ADAMTS17: variants seen among roughly 807,000 people sequenced by gnomAD.
ADAMTS17 encodes A disintegrin and metalloproteinase with thrombospondin motifs 17.
Under a neutral mutation model 141.5 loss-of-function variants are expected in ADAMTS17, and 113 were observed. That is an observed-to-expected ratio of 0.80 (90% CI 0.69 to 0.93). The LOEUF is 0.93. ADAMTS17 is among the 40% of genes least tolerant of loss of function. ADAMTS17 has a pLI of 0.00. For synonymous variants in ADAMTS17, 768 were observed against 630.6 expected (o/e 1.22, Z -3.27); for missense variants, 1,659 against 1,517.9 (o/e 1.09, Z -1.54).
intron 3 of ADAMTS17, among the ~76,000 whole-genome samples, chr15:100,311,640 C>T (rs2045409063): frequency 6.6e-6 from 1 of 152,104 alleles, no homozygotes; most frequent in Admixed American, 6.6e-5. Context: ...GGTGGAGCTG[C>T]ATGTGGGAAA....
At chr15:100,045,884 A>C (rs893930771) in intron 18 of ADAMTS17, among the ~76,000 whole-genome samples, 1 of 151,978 alleles carries the variant, frequency 6.6e-6, no homozygotes, top group South Asian at 2.1e-4. Flanking sequence ...AGATTTAATT[A>C]ATTAATTAAT....
intron 3 of ADAMTS17, among the ~76,000 whole-genome samples, chr15:100,322,554 A>G (rs147049474): frequency 7.3e-4 from 111 of 152,334 alleles, no homozygotes; most frequent in African/African-American, 2.5e-3. Flanking sequence ...ACACATGAAT[A>G]ACTTGGAAAA....
intron 7 of ADAMTS17, among the ~76,000 whole-genome samples, chr15:100,216,952 G>C (rs1481369374): frequency 6.6e-6 from 1 of 152,146 alleles, no homozygotes; most frequent in Non-Finnish European, 1.5e-5. Context: ...TCCTGCTCTA[G>C]ACTTCCCATG....
At position 100,262,392 on chromosome 15, in the gene ADAMTS17, T is replaced by C; in HGVS notation, c.833A>G (p.Asn278Ser). The change falls in exon 5 of 22, where the codon AAC (asparagine) becomes AGC (serine). Residue 278 changes from asparagine to serine, a missense_variant. By Grantham distance (46) the Asn-to-Ser change is conservative. Transcript: ENST00000268070. ...FQHQSLGIKI[N>S]IQVTKLVLLR... ...CAGGACAAGCTTGGTCACTTGAATG[T>C]TAATTTTAATCCCCAGGCTCTGGTG... 1 of 1,614,016 alleles carries C rather than the reference T, an allele frequency of 6.2e-7. No homozygotes were observed. Among genetic ancestry groups the C allele is most frequent in the Non-Finnish European group, 8.5e-7 (1 of 1,179,954 alleles).
chr15:100,230,866 C>G (rs961192133), intron 7 of ADAMTS17, among the ~76,000 whole-genome samples: 2 of 152,106 alleles, frequency 1.3e-5, no homozygotes, highest in African/African-American at 4.8e-5. Context: ...TTGGGACTGC[C>G]TGGGGACCCA....
chr15:100,057,830 G>A (rs2032719683), intron 15 of ADAMTS17, among the ~76,000 whole-genome samples: 1 of 152,130 alleles, frequency 6.6e-6, no homozygotes, highest in African/African-American at 2.4e-5. Flanking sequence ...ACAGGCAGGA[G>A]TGCCAGTGCG....
chr15:100,270,646 G>A (rs1032672804), intron 4 of ADAMTS17, among the ~76,000 whole-genome samples: 1 of 151,402 alleles, frequency 6.6e-6, no homozygotes, highest in East Asian at 2.0e-4. Context: ...TGCGTACCAG[G>A]CACTGACAAA....
chr15:100,087,525 G>A (rs557467212), intron 15 of ADAMTS17, among the ~76,000 whole-genome samples: 2 of 152,200 alleles, frequency 1.3e-5, no homozygotes, highest in East Asian at 3.9e-4. Context: ...GCCAGGCAGA[G>A]ACACAACCAA....
chr15:100,179,092 T>A (rs1326753804), intron 8 of ADAMTS17, among the ~76,000 whole-genome samples: 1 of 152,188 alleles, frequency 6.6e-6, no homozygotes. Context: ...AATCCAAGTA[T>A]ACTTTTTTAG....
chr15:100,162,195 G>C (rs1217315059), intron 8 of ADAMTS17, among the ~76,000 whole-genome samples: 2 of 151,962 alleles, frequency 1.3e-5, no homozygotes, highest in Non-Finnish European at 2.9e-5. Context: ...GGACTGAAGT[G>C]ACAAGCAAGT....
chr15:100,270,935 G>A (rs1207154639), intron 4 of ADAMTS17, among the ~76,000 whole-genome samples: 1 of 151,110 alleles, frequency 6.6e-6, no homozygotes, highest in Non-Finnish European at 1.5e-5. Context: ...CAGCCATCTG[G>A]CCAGCGCTAT....
chr15:100,149,625 G>T (rs1677274571), intron 10 of ADAMTS17, among the ~76,000 whole-genome samples: 1 of 152,016 alleles, frequency 6.6e-6, no homozygotes, highest in African/African-American at 2.4e-5. Context: ...TTCTCTCTTT[G>T]AAATAGCCAA....
intron 7 of ADAMTS17, among the ~76,000 whole-genome samples, chr15:100,199,637 A>G (rs1198535758): frequency 1.3e-5 from 2 of 152,218 alleles, no homozygotes; most frequent in African/African-American, 4.8e-5. Context: ...TCAGGCATCT[A>G]ATACGCGTCG....
chr15:100,264,738 C>T (rs1472236002), intron 4 of ADAMTS17, among the ~76,000 whole-genome samples: 1 of 152,076 alleles, frequency 6.6e-6, no homozygotes, highest in Non-Finnish European at 1.5e-5. Context: ...GCTCAGTCGC[C>T]TCCCTTGGAA....
chr15:100,272,115 T>C (rs1327921733), intron 4 of ADAMTS17, among the ~76,000 whole-genome samples: 2 of 152,214 alleles, frequency 1.3e-5, no homozygotes, highest in African/African-American at 4.8e-5. Flanking sequence ...TTACAGCTTT[T>C]GAGTAAATTT....
At chr15:100,298,694 C>T (rs2044913504) in intron 3 of ADAMTS17, among the ~76,000 whole-genome samples, 2 of 152,272 alleles carry the variant, frequency 1.3e-5, no homozygotes, top group East Asian at 1.9e-4. Context: ...AAATGCCAGG[C>T]AGCATCATGC....
At chr15:100,181,188 A>G (rs966998215) in intron 8 of ADAMTS17, among the ~76,000 whole-genome samples, 1 of 152,122 alleles carries the variant, frequency 6.6e-6, no homozygotes, top group Non-Finnish European at 1.5e-5. Context: ...GCTGCCAGAC[A>G]TCGGACTCAC....
chr15:100,105,832 C>T (rs902086632), intron 14 of ADAMTS17, among the ~76,000 whole-genome samples: 21 of 152,050 alleles, frequency 1.4e-4, no homozygotes, highest in African/African-American at 4.3e-4. Flanking sequence ...GGATTACAGG[C>T]ACCCATCACC....
At chr15:100,120,378 G>A (rs1209030602) in intron 12 of ADAMTS17, among the ~76,000 whole-genome samples, 1 of 152,166 alleles carries the variant, frequency 6.6e-6, no homozygotes, top group Non-Finnish European at 1.5e-5. Flanking sequence ...GCAACTTTCT[G>A]GAGTCAGGGT....
Sources: allele counts gnomAD v4.1 joint callset (sites outside exome capture counted in the v4.1 genomes callset), GRCh38; gene constraint gnomAD v4.1.1; transcripts MANE v1.5; gene names NCBI Gene and HGNC (gene_info 2026-07-23, HGNC 2026-07-21).